Variants in METTL8 observed in about 807,000 individuals in gnomAD.
METTL8 encodes the protein methyltransferase 8, tRNA N3-cytidine.
METTL8 carries 32 observed loss-of-function variants against 48.7 expected under a neutral mutation model. The observed-to-expected ratio is 0.66, with a 90% CI of 0.50 to 0.88. The LOEUF is 0.88. Ranked by LOEUF, METTL8 falls within the 40% of genes least tolerant of loss-of-function variation. The pLI, the probability that METTL8 is intolerant of heterozygous loss-of-function variation, is 0.00. For missense variants in METTL8, 464 were observed against 474.4 expected (o/e 0.98, Z 0.20); for synonymous variants, 136 against 157.1 (o/e 0.87, Z 1.01).
chr2:171,331,057 A>T (rs1244937721), intron 6 of METTL8, among the ~76,000 whole-genome samples: 1 of 152,158 alleles, frequency 6.6e-6, no homozygotes, highest in Non-Finnish European at 1.5e-5. Context: ...GCAGGCATAC[A>T]TTCTAAATTT....
intron 1 of METTL8, among the ~76,000 whole-genome samples, chr2:171,396,845 TTCTA>T (rs201306341): frequency 0.039 from 5,961 of 151,830 alleles, 150 homozygotes; most frequent in Non-Finnish European, 0.063. Context: ...TAATCTCAGC[TTCTA>T]TCTTTTTTTT....
chr2:171,349,652 T>C (rs994068314), intron 3 of METTL8, among the ~76,000 whole-genome samples: 1 of 152,166 alleles, frequency 6.6e-6, no homozygotes, highest in African/African-American at 2.4e-5. Flanking sequence ...CTTTGAGACT[T>C]TGCTTTCAAA....
At chr2:171,411,406 C>G (rs1468597609) in intron 1 of METTL8, among the ~76,000 whole-genome samples, 1 of 152,124 alleles carries the variant, frequency 6.6e-6, no homozygotes, top group African/African-American at 2.4e-5. Flanking sequence ...GTGTACCTGT[C>G]CTTCCAGACA....
At chr2:171,380,800 T>C (rs564828376) in intron 2 of METTL8, among the ~76,000 whole-genome samples, 1 of 152,332 alleles carries the variant, frequency 6.6e-6, no homozygotes, top group East Asian at 1.9e-4. Context: ...GAACACTCAA[T>C]ATCGTGAAAA....
At chr2:171,344,170 T>C (rs1687049175) in intron 3 of METTL8, among the ~76,000 whole-genome samples, 1 of 152,252 alleles carries the variant, frequency 6.6e-6, no homozygotes, top group African/African-American at 2.4e-5. Flanking sequence ...GGCTACGCAC[T>C]ATGTCAAATG....
intron 1 of METTL8, among the ~76,000 whole-genome samples, chr2:171,411,575 G>C (rs1173117540): frequency 6.6e-6 from 1 of 152,192 alleles, no homozygotes; most frequent in Non-Finnish European, 1.5e-5. Flanking sequence ...TAGTGGGTTA[G>C]AGCTGGCCTA....
rs967348075 is a variant in METTL8, at chr2:171,319,154, A to C, written c.*5018T>G. The C allele has an allele frequency of 1.1e-4, 16 of 152,182 alleles. No homozygotes were observed. The highest frequency in any genetic ancestry group is 1.9e-4 in the Non-Finnish European group (13 of 68,022). 9.4% of individuals were successfully genotyped at this position (152,182 alleles called of 1,614,324 possible). On this transcript the variant is annotated 3_prime_UTR_variant, in exon 10 of 10. Transcript: ENST00000375258. The stretch of plus-strand genomic sequence containing the variant: ...CAATGTCTCATAAAACCTTTGAAAA[A>C]GTCACTGTTGCTGGAATACTGTGTG...
intron 2 of METTL8, among the ~76,000 whole-genome samples, chr2:171,364,894 A>G (rs376337394): frequency 2.0e-5 from 3 of 152,364 alleles, no homozygotes; most frequent in African/African-American, 7.2e-5. Context: ...CTATAAGTCA[A>G]TGATATTTGA....
intron 2 of METTL8, among the ~76,000 whole-genome samples, chr2:171,363,792 TTA>T (rs200347847): frequency 0.13 from 12,340 of 97,398 alleles, 1,249 homozygotes; most frequent in Middle Eastern, 0.21. Flanking sequence ...TCCCCAAATT[TTA>T]TATATATATA....
At chr2:171,398,143 T>A (rs551534909) in intron 1 of METTL8, among the ~76,000 whole-genome samples, 6 of 152,204 alleles carry the variant, frequency 3.9e-5, no homozygotes, top group African/African-American at 1.4e-4. Context: ...TACTTCTGGG[T>A]ATATACCCAA....
At chr2:171,377,741 T>C (rs924492668) in intron 2 of METTL8, among the ~76,000 whole-genome samples, 2 of 152,138 alleles carry the variant, frequency 1.3e-5, no homozygotes, top group Non-Finnish European at 2.9e-5. Context: ...GATGTTGGCA[T>C]GTATGTAGTG....
intron 1 of METTL8, among the ~76,000 whole-genome samples, chr2:171,422,173 A>G (rs77890401): frequency 0.011 from 1,709 of 152,348 alleles, 41 homozygotes; most frequent in African/African-American, 0.038. Context: ...GAGCACAGAA[A>G]TAGACTTGAC....
intron 1 of METTL8, among the ~76,000 whole-genome samples, chr2:171,423,861 C>T (rs899549993): frequency 6.6e-6 from 1 of 152,212 alleles, no homozygotes; most frequent in African/African-American, 2.4e-5. Flanking sequence ...ATGCTAATCA[C>T]CAAGACAATG....
intron 2 of METTL8, among the ~76,000 whole-genome samples, chr2:171,362,476 C>T (rs573970297): frequency 6.6e-6 from 1 of 151,748 alleles, no homozygotes. Flanking sequence ...TTAAGTATTG[C>T]TTATACAATC....
Position 171,317,625 on chromosome 2 carries a change from T to G in METTL8, c.*6547A>C, listed in dbSNP as rs1301347556. 2 of 152,246 alleles carry G rather than the reference T, an allele frequency of 1.3e-5. No homozygotes were observed. Among genetic ancestry groups the G allele is most frequent in the African/African-American group, 4.8e-5 (2 of 41,462 alleles). The allele number at this position is 152,246 out of a possible 1,614,324, so 9.4% of individuals were successfully genotyped here. ...CCTCTTTATGTAACGTTAACGTGTATTTATTCATTCAGCTAACTCTAGCTG... is the reference window on the plus strand; with the variant it reads ...CCTCTTTATGTAACGTTAACGTGTAGTTATTCATTCAGCTAACTCTAGCTG... On this transcript the variant is annotated 3_prime_UTR_variant, in exon 10 of 10. Coordinates refer to ENST00000375258, the MANE Select transcript of METTL8 (RefSeq NM_001321154.2).
rs1244170349 is a variant in METTL8 at position 171,394,529 on chromosome 2, T to C, written c.-12-2332A>G. Among the ~76,000 whole-genome samples the C allele has an allele frequency of 3.3e-5, 5 of 152,188 alleles. No homozygotes were observed. The East Asian group carries it at 5.8e-4, about 18-fold the overall frequency. ...GAGAAATGTGAATCTTGCAGGCTGCTAGTCTGTGGAGAAAGCATGGTGTGG... is the reference window on the plus strand; with the variant it reads ...GAGAAATGTGAATCTTGCAGGCTGCCAGTCTGTGGAGAAAGCATGGTGTGG... On this transcript the variant is annotated intron_variant, in intron 1 of 9. Coordinates refer to ENST00000375258, the MANE Select transcript of METTL8 (RefSeq NM_001321154.2).
intron 1 of METTL8, among the ~76,000 whole-genome samples, chr2:171,409,194 T>C (rs887935928): frequency 9.9e-5 from 15 of 152,190 alleles, no homozygotes; most frequent in Non-Finnish European, 2.1e-4. Context: ...CAGTTCATGA[T>C]TTTTTAGGGA....
At position 171,360,518 on chromosome 2, in the gene METTL8, T is replaced by TAA; in HGVS notation, c.144-7_144-6dup. ...TTAGACCACTGCATGTGATCCCTAT[T>TAA]AAAAAAAAATAGACTGTAAAATATG... On this transcript the variant is annotated splice_region_variant and splice_polypyrimidine_tract_variant and intron_variant, in intron 2 of 9. Coordinates refer to ENST00000375258, the MANE Select transcript of METTL8 (RefSeq NM_001321154.2). The TAA allele has an allele frequency of 6.3e-7, 1 of 1,584,800 alleles. No individual in the cohort carries two copies. The highest frequency in any genetic ancestry group is 8.6e-7 in the Non-Finnish European group (1 of 1,163,218).
chr2:171,353,979 T>A (rs1340267330), intron 3 of METTL8, among the ~76,000 whole-genome samples: 1 of 152,264 alleles, frequency 6.6e-6, no homozygotes, highest in Non-Finnish European at 1.5e-5. Context: ...AATATTGTTA[T>A]GTGTGAATTT....
Sources: gnomAD v4.1 joint callset for allele counts (sites outside exome capture counted in the v4.1 genomes callset) on GRCh38, gnomAD v4.1.1 for gene constraint, MANE v1.5 for transcripts, NCBI Gene and HGNC (gene_info 2026-07-23, HGNC 2026-07-21) for gene names.